The following ZNF766 variants were observed in gnomAD, a reference collection of about 807,000 sequenced individuals.
ZNF766 encodes zinc finger protein 766.
A neutral mutation model predicts 13.2 loss-of-function variants in ZNF766; 13 were observed. The observed-to-expected ratio is 0.98, with a 90% CI of 0.64 to 1.56. The LOEUF (loss-of-function observed/expected upper bound fraction) is 1.56, where lower values mean the gene tolerates loss of function less well. Ranked by LOEUF, ZNF766 falls within the 40% of genes most tolerant of loss-of-function variation. The pLI is 0.00. For synonymous variants in ZNF766, 178 were observed against 187.6 expected, an observed-to-expected ratio of 0.95 and a Z score of 0.42; for missense variants, 521 against 552.2, an observed-to-expected ratio of 0.94 and a Z score of 0.57.
chr19:52,292,499 AC>A lies in ZNF766; in HGVS notation c.*1303del, dbSNP rs1982196710. 1 of 307,116 alleles carries A rather than the reference AC, an allele frequency of 3.3e-6. No individual in the cohort carries two copies. Among genetic ancestry groups the A allele is most frequent in the Non-Finnish European group, 6.0e-6 (1 of 168,022 alleles). 19.0% of individuals were successfully genotyped at this position (307,116 alleles called of 1,614,324 possible). ...AGACGATGCAGGGGAAATGGTGGCC[AC>A]CGTCTCCATTGAATAGCAATAGCTG... is the stretch of plus-strand genomic sequence containing the variant. On this transcript the variant is annotated 3_prime_UTR_variant, in exon 4 of 4. Coordinates refer to ENST00000439461, the MANE Select transcript of ZNF766 (RefSeq NM_001010851.3).
At chr19:52,289,673 G>T (rs1982009989) in intron 3 of ZNF766, among the ~76,000 whole-genome samples, 2 of 152,114 alleles carry the variant, frequency 1.3e-5, no homozygotes, top group African/African-American at 4.8e-5. Context: ...GTCTGAATCA[G>T]ATGAGGCAGA....
intron 1 of ZNF766, among the ~76,000 whole-genome samples, chr19:52,274,113 C>T (rs1981089719): frequency 6.6e-6 from 1 of 152,208 alleles, no homozygotes; most frequent in Admixed American, 6.5e-5. Context: ...TACAATCTCT[C>T]ACTGTCCCAC....
intron 1 of ZNF766, chr19:52,277,619 T>C: frequency 6.8e-7 from 1 of 1,460,664 alleles, no homozygotes; most frequent in Non-Finnish European, 9.3e-7. Flanking sequence ...GAGAATCTTC[T>C]CTGAGTCTGA....
chr19:52,269,855 C>T (rs951618847), intron 1 of ZNF766, among the ~76,000 whole-genome samples: 1 of 152,184 alleles, frequency 6.6e-6, no homozygotes, highest in Non-Finnish European at 1.5e-5. Context: ...CGCCGTTTTC[C>T]TGCTTAAAAC....
At chr19:52,286,406 C>G (rs2122486098) in intron 3 of ZNF766, among the ~76,000 whole-genome samples, 1 of 150,972 alleles carries the variant, frequency 6.6e-6, no homozygotes, top group South Asian at 2.1e-4. Context: ...CTCCCAGGCT[C>G]AAACAATCCT....
At position 52,291,253 on chromosome 19, in the gene ZNF766, C is replaced by T. The variant is rs1982131698; in HGVS notation, c.*55C>T. 6.7e-7 allele frequency: 1 copy of T among 1,482,678 alleles called. No homozygotes were observed. Among genetic ancestry groups the T allele is most frequent in the East Asian group, 2.3e-5 (1 of 43,876 alleles). 91.8% of individuals were successfully genotyped at this position (1,482,678 alleles called of 1,614,324 possible). Reference sequence around the variant, plus strand: ...AGTAATCAACATCCGAGAGTCTATACTAGAAAGAAATCATTTAAATGTACT... The same window carrying T: ...AGTAATCAACATCCGAGAGTCTATATTAGAAAGAAATCATTTAAATGTACT... On this transcript the variant is annotated 3_prime_UTR_variant, in exon 4 of 4. Transcript: ENST00000439461.
chr19:52,284,859 G>C (rs1012554665), intron 3 of ZNF766: 5 of 152,064 alleles, frequency 3.3e-5, no homozygotes, highest in Admixed American at 2.0e-4. Flanking sequence ...TTCACAAGGC[G>C]AGGCACATGG....
Position 52,290,194 on chromosome 19 carries a change from C to G in ZNF766, c.403C>G (p.Gln135Glu), listed in dbSNP as rs758653241. Residue 135 changes from glutamine (Q) to glutamate (E), a missense_variant, in exon 4 of 4, where the codon CAA becomes GAA. Gln to Glu is a conservative substitution (Grantham distance 29). Coordinates refer to ENST00000439461, the MANE Select transcript of ZNF766 (RefSeq NM_001010851.3). ...QGEGKIYECNQVQKFISHSSS... is the reference protein window; with the variant it reads ...QGEGKIYECNEVQKFISHSSS... Reference sequence around the variant, plus strand: ...TGAAGGGAAGATTTATGAATGTAATCAAGTTCAAAAGTTCATCAGCCACAG... The same window carrying G: ...TGAAGGGAAGATTTATGAATGTAATGAAGTTCAAAAGTTCATCAGCCACAG... 3.0e-5 allele frequency: 49 copies of G among 1,613,920 alleles called. No individual in the cohort carries two copies. Among genetic ancestry groups the G allele is most frequent in the Non-Finnish European group, 3.4e-5 (40 of 1,179,912 alleles).
chr19:52,289,974 C>G, intron 3 of ZNF766, 92 bp from the exon 4 acceptor site: 1 of 1,363,754 alleles, frequency 7.3e-7, no homozygotes, highest in Non-Finnish European at 1.0e-6. Context: ...GCACTCCAGC[C>G]TGGGTGGCAA....
rs1199691397 is a variant in ZNF766 at position 52,283,378 on chromosome 19, C to G, written c.239C>G (p.Pro80Arg). Reference sequence around the variant, plus strand: ...AATGAAATGAAAGTAGCAAAAAATCCAGATAGGTGGGAAGGTATCAAAGAT... The same window carrying G: ...AATGAAATGAAAGTAGCAAAAAATCGAGATAGGTGGGAAGGTATCAAAGAT... ...VENEMKVAKN[P>R]DRWEGIKDIN... Residue 80 changes from proline (P) to arginine (R), a missense_variant, in exon 3 of 4, where the codon CCA becomes CGA. Pro to Arg is a moderately radical substitution (Grantham distance 103, BLOSUM62 -2). Transcript: ENST00000439461. 1 of 1,609,816 alleles carries G rather than the reference C, an allele frequency of 6.2e-7. No individual in the cohort carries two copies. Among genetic ancestry groups the G allele is most frequent in the Non-Finnish European group, 8.5e-7 (1 of 1,177,726 alleles).
chr19:52,290,008 G>A (rs10418171), intron 3 of ZNF766, 58 bp from the exon 4 acceptor site: 357,884 of 1,517,802 alleles, frequency 0.24, 45,158 homozygotes, highest in African/African-American at 0.48. Flanking sequence ...CTCAAAAAAA[G>A]TGCAAAAAAC....
At chr19:52,285,930 A>G (rs1332786007) in intron 3 of ZNF766, among the ~76,000 whole-genome samples, 7 of 152,200 alleles carry the variant, frequency 4.6e-5, no homozygotes, top group Non-Finnish European at 7.4e-5. Flanking sequence ...AACTGTGGAC[A>G]AAAACCAAGG....
chr19:52,283,285 G>T lies in ZNF766; in HGVS notation c.146G>T (p.Gly49Val). The part of the protein sequence containing the change: ...LENYRNLVSL[G>V]ICLPDLSIIS... ...TCTTGATTCTTTCTTTTATAAACAG[G>T]AATCTGTCTTCCTGACCTGAGTATT... Residue 49 changes from glycine (G) to valine (V), a missense_variant and splice_region_variant, in exon 3 of 4, where the codon GGA (glycine) becomes GTA (valine). By Grantham distance (109) the Gly-to-Val change is moderately radical (BLOSUM62 -3). Coordinates refer to ENST00000439461, the MANE Select transcript of ZNF766 (RefSeq NM_001010851.3). 1 of 1,612,446 alleles carries T rather than the reference G, an allele frequency of 6.2e-7. No homozygotes were observed. Among genetic ancestry groups the T allele is most frequent in the Non-Finnish European group, 8.5e-7 (1 of 1,179,214 alleles).
chr19:52,275,452 G>A (rs916062088), intron 1 of ZNF766: 5 of 151,928 alleles, frequency 3.3e-5, no homozygotes, highest in Admixed American at 1.3e-4. Flanking sequence ...AGTTTATTAC[G>A]GAAGAAAAAA....
rs10404457 is a variant in ZNF766 at position 52,295,243 on chromosome 19, T to C, written c.*4045T>C. 37,371 of 151,328 alleles carry C rather than the reference T, an allele frequency of 0.25. 4,782 individuals carry two copies. The highest frequency in any genetic ancestry group is 0.44 in the East Asian group (2,271 of 5,112). The allele number at this position is 151,328 out of a possible 1,614,324, so 9.4% of individuals were successfully genotyped here. A position where few individuals can be genotyped will look rare whatever the true frequency, so the allele number is the denominator to read the frequency against. On this transcript the variant is annotated 3_prime_UTR_variant, in exon 4 of 4. Transcript: ENST00000439461. ...TCACCCAGGCTGGAGTGCAGCGGTG[T>C]GATCTTGGCTCATTGCAGCCTCCGC... is the stretch of plus-strand genomic sequence containing the variant.
chr19:52,290,609 G>A lies in ZNF766; in HGVS notation c.818G>A (p.Cys273Tyr). The change falls in exon 4 of 4, where the codon TGT becomes TAT. Residue 273 changes from cysteine to tyrosine, a missense_variant. Transcript: ENST00000439461. ...CATACTGGAGAGAGTCCTTACAAAT[G>A]TAATGAGTGTGGCAAGGTCTTCAGT... ...KVHTGESPYK[C>Y]NECGKVFSRI... is the part of the protein sequence containing the mutation. 6.2e-7 allele frequency: 1 copy of A among 1,614,094 alleles called. No homozygotes were observed. The highest frequency in any genetic ancestry group is 8.5e-7 in the Non-Finnish European group (1 of 1,179,984).
chr19:52,295,187 G>GTT lies in ZNF766; in HGVS notation c.*3999_*4000dup, dbSNP rs35415890. 242 of 143,270 alleles carry GTT rather than the reference G, an allele frequency of 1.7e-3. 2 individuals are homozygous for GTT. Among genetic ancestry groups the GTT allele is most frequent in the African/African-American group, 4.2e-3 (166 of 39,206 alleles). The allele number at this position is 143,270 out of a possible 1,614,324, so 8.9% of individuals were successfully genotyped here. ...TTGCATCCAGATGCTATGCTTGTTT[G>GTT]TTTTTTTTTTTGAGACAGAGTCTTG... On this transcript the variant is annotated 3_prime_UTR_variant, in exon 4 of 4. Transcript: ENST00000439461.
rs569311640 is a variant in ZNF766, at chr19:52,295,856, T to G, written c.*4658T>G. The G allele has an allele frequency of 5.3e-5, 8 of 152,144 alleles. No homozygotes were observed. The highest frequency in any genetic ancestry group is 8.8e-5 in the Non-Finnish European group (6 of 68,036). 9.4% of individuals were successfully genotyped at this position (152,144 alleles called of 1,614,324 possible). A position where few individuals can be genotyped will look rare whatever the true frequency, so the allele number is the denominator to read the frequency against. ...TCTTTTTTTTCAGATGTTTGAGCTA[T>G]TCCAGGTTTTTTGGGATTTCTGTTG... On this transcript the variant is annotated 3_prime_UTR_variant, in exon 4 of 4. Coordinates refer to ENST00000439461, the MANE Select transcript of ZNF766 (RefSeq NM_001010851.3).
At position 52,291,452 on chromosome 19, in the gene ZNF766, T is replaced by G. The variant is rs1307334642; in HGVS notation, c.*254T>G. On this transcript the variant is annotated 3_prime_UTR_variant, in exon 4 of 4. Coordinates refer to ENST00000439461, the MANE Select transcript of ZNF766 (RefSeq NM_001010851.3). The stretch of plus-strand genomic sequence containing the variant: ...AAGGACACGTGGAAATGATCTGTAA[T>G]ATTCGGGTTATTAAAAATGTAATTG... 4 of 388,792 alleles carry G rather than the reference T, an allele frequency of 1.0e-5. No homozygotes were observed. The highest frequency in any genetic ancestry group is 1.8e-5 in the Non-Finnish European group (4 of 218,912). The allele number at this position is 388,792 out of a possible 1,614,324, so 24.1% of individuals were successfully genotyped here. A position where few individuals can be genotyped will look rare whatever the true frequency, so the allele number is the denominator to read the frequency against.
Sources: allele counts gnomAD v4.1 joint callset (sites outside exome capture counted in the v4.1 genomes callset), GRCh38; gene constraint gnomAD v4.1.1; transcripts MANE v1.5; gene names NCBI Gene and HGNC (gene_info 2026-07-23, HGNC 2026-07-21).